ITPK1: variants seen among roughly 807,000 people sequenced by gnomAD.
The protein encoded by ITPK1 is inositol 1,3,4-trisphosphate 5/6-kinase.
Under a neutral mutation model 45.3 loss-of-function variants are expected in ITPK1, and 21 were observed. The observed-to-expected ratio is 0.46, with a 90% confidence interval of 0.33 to 0.67. The LOEUF is 0.67. ITPK1 is among the 30% of genes least tolerant of loss of function. The pLI, the probability that ITPK1 is intolerant of heterozygous loss-of-function variation, is 0.02. For missense variants in ITPK1, 474 were observed against 573.5 expected (o/e 0.83, Z 1.77); for synonymous variants, 258 against 253.6 (o/e 1.02, Z -0.16).
intron 2 of ITPK1, among the ~76,000 whole-genome samples, chr14:93,114,399 G>T (rs1327047747): frequency 6.6e-6 from 1 of 152,202 alleles, no homozygotes; most frequent in African/African-American, 2.4e-5. Context: ...CTACGCACCA[G>T]CCACTCCCTA....
At chr14:92,967,804 C>T (rs1885452984) in intron 5 of ITPK1, among the ~76,000 whole-genome samples, 1 of 152,128 alleles carries the variant, frequency 6.6e-6, no homozygotes, top group Non-Finnish European at 1.5e-5. Flanking sequence ...AAGCCAGACA[C>T]AGAAGACCAC....
chr14:92,972,576 C>G (rs551634745), intron 5 of ITPK1, among the ~76,000 whole-genome samples: 1 of 152,112 alleles, frequency 6.6e-6, no homozygotes, highest in Non-Finnish European at 1.5e-5. Context: ...TACTTCCCAA[C>G]TCTTTTGTTT....
At chr14:93,023,467 C>A (rs1035838692) in intron 3 of ITPK1, among the ~76,000 whole-genome samples, 1 of 152,164 alleles carries the variant, frequency 6.6e-6, no homozygotes, top group African/African-American at 2.4e-5. Context: ...TGCGGAATAA[C>A]CCACGGTTTT....
intron 3 of ITPK1, chr14:93,069,725 C>A (rs748035723): frequency 6.6e-6 from 1 of 152,300 alleles, no homozygotes; most frequent in Non-Finnish European, 1.5e-5. Flanking sequence ...GGCACATGGA[C>A]CTTCCCTTGG....
At chr14:92,995,377 G>C (rs1886999627) in intron 4 of ITPK1, among the ~76,000 whole-genome samples, 1 of 152,204 alleles carries the variant, frequency 6.6e-6, no homozygotes, top group Non-Finnish European at 1.5e-5. Context: ...GAGAGAAAGA[G>C]CCATTTGGAA....
chr14:92,963,171 G>A (rs191953961), intron 5 of ITPK1, among the ~76,000 whole-genome samples: 11 of 152,286 alleles, frequency 7.2e-5, no homozygotes, highest in Admixed American at 1.3e-4. Context: ...TTTTACCCAC[G>A]CGTACATTTA....
In ITPK1 at chr14:93,088,609, G is replaced by GC. The variant is rs1891746500; in HGVS notation, c.96-11991dup. 2.0e-5 allele frequency among the ~76,000 whole-genome samples: 3 copies of GC among 152,028 alleles called. 1 individual carries two copies. The highest frequency in any genetic ancestry group is 2.0e-4 in the Admixed American group (3 of 15,272). Reference sequence around the variant, plus strand: ...AACATCAAGTGATCTGCCTGCCTTGGCCCCCCAAAGTGCTAGGATTACAGG... The same window carrying GC: ...AACATCAAGTGATCTGCCTGCCTTGGCCCCCCCAAAGTGCTAGGATTACAGG... On this transcript the variant is annotated intron_variant, in intron 2 of 10. Transcript: ENST00000267615.
chr14:92,962,625 A>G (rs1369622039), intron 6 of ITPK1, 126 bp downstream of exon 6: 3 of 815,122 alleles, frequency 3.7e-6, no homozygotes, highest in Non-Finnish European at 6.4e-6. Flanking sequence ...GGTGGGACCC[A>G]GGGCCATGTG....
At chr14:92,949,601 C>T (rs905585489) in intron 9 of ITPK1, among the ~76,000 whole-genome samples, 2 of 152,208 alleles carry the variant, frequency 1.3e-5, no homozygotes, top group South Asian at 2.1e-4. Context: ...TTTCTTGCCC[C>T]AGTAAATGGG....
chr14:92,944,796 C>T (rs1253401116), intron 10 of ITPK1, among the ~76,000 whole-genome samples: 1 of 152,172 alleles, frequency 6.6e-6, no homozygotes, highest in Non-Finnish European at 1.5e-5. Flanking sequence ...ATCCCAGCTC[C>T]AGCTAAACCC....
chr14:93,106,401 G>A (rs1892525765), intron 2 of ITPK1, among the ~76,000 whole-genome samples: 1 of 152,160 alleles, frequency 6.6e-6, no homozygotes, highest in Non-Finnish European at 1.5e-5. Context: ...CCTCAGTTCT[G>A]CCCAGAGCTG....
In ITPK1 at chr14:92,938,393, G is replaced by A. The variant is rs572798534; in HGVS notation, c.*3168C>T. The A allele has an allele frequency of 2.3e-5, 23 of 1,017,380 alleles. No homozygotes were observed. The highest frequency in any genetic ancestry group is 1.1e-4 in the Admixed American group (6 of 56,526). 63.0% of individuals were successfully genotyped at this position (1,017,380 alleles called of 1,614,324 possible). A position where few individuals can be genotyped will look rare whatever the true frequency, so the allele number is the denominator to read the frequency against. On this transcript the variant is annotated 3_prime_UTR_variant, in exon 11 of 11. Transcript: ENST00000267615. Reference sequence around the variant, plus strand: ...GGTCTTCCAGGCTAGAAGGACAAACGACAGGCTGGCTCCCTTGGTCTTGGG... The same window carrying A: ...GGTCTTCCAGGCTAGAAGGACAAACAACAGGCTGGCTCCCTTGGTCTTGGG...
intron 3 of ITPK1, among the ~76,000 whole-genome samples, chr14:93,055,154 G>A (rs753768933): frequency 2.0e-5 from 3 of 152,242 alleles, no homozygotes; most frequent in Admixed American, 1.3e-4. Flanking sequence ...TGCTGTATTC[G>A]ATACAACTCC....
intron 3 of ITPK1, among the ~76,000 whole-genome samples, chr14:93,019,677 CA>C (rs1555368312): frequency 6.6e-6 from 1 of 152,140 alleles, no homozygotes; most frequent in Non-Finnish European, 1.5e-5. Flanking sequence ...CCCCTGAACA[CA>C]CTGCAAACAG....
At chr14:93,077,220 T>A (rs373872189) in intron 2 of ITPK1, among the ~76,000 whole-genome samples, 2 of 152,172 alleles carry the variant, frequency 1.3e-5, no homozygotes, top group Non-Finnish European at 2.9e-5. Context: ...CCACGTAACC[T>A]GACTCTTGCC....
intron 3 of ITPK1, among the ~76,000 whole-genome samples, chr14:93,066,748 G>A (rs1890772296): frequency 6.6e-6 from 1 of 152,162 alleles, no homozygotes; most frequent in Non-Finnish European, 1.5e-5. Context: ...ATGAGAGCAG[G>A]GAAGGGGCTG....
At chr14:93,099,617 G>C (rs1892230708) in intron 2 of ITPK1, among the ~76,000 whole-genome samples, 1 of 152,186 alleles carries the variant, frequency 6.6e-6, no homozygotes, top group African/African-American at 2.4e-5. Flanking sequence ...TGTCGGGCTG[G>C]CCGTGGGAAT....
chr14:93,015,405 A>G (rs1024627638), intron 4 of ITPK1, among the ~76,000 whole-genome samples: 3 of 152,204 alleles, frequency 2.0e-5, no homozygotes, highest in African/African-American at 4.8e-5. Context: ...CAGGGCACAC[A>G]TCTCCTCTGT....
At chr14:93,088,330 G>A (rs1365945694) in intron 2 of ITPK1, among the ~76,000 whole-genome samples, 1 of 132,844 alleles carries the variant, frequency 7.5e-6, no homozygotes, top group South Asian at 2.4e-4. Flanking sequence ...TTTCTTTTTT[G>A]GTTTTGTTTT....
Sources: gnomAD v4.1 joint callset for allele counts (sites outside exome capture counted in the v4.1 genomes callset) on GRCh38, gnomAD v4.1.1 for gene constraint, MANE v1.5 for transcripts, NCBI Gene and HGNC (gene_info 2026-07-23, HGNC 2026-07-21) for gene names.